AFF3: variants seen among roughly 807,000 people sequenced by gnomAD.
AFF3 encodes ALF transcription elongation factor 3.
Under a neutral mutation model 129.7 loss-of-function variants are expected in AFF3, and 32 were observed. The observed-to-expected ratio is 0.25, with a 90% confidence interval of 0.19 to 0.33. The LOEUF (loss-of-function observed/expected upper bound fraction) is 0.33. AFF3 is among the 10% of genes least tolerant of loss of function. The pLI is 1.00. For synonymous variants in AFF3, 644 were observed against 635.4 expected, an observed-to-expected ratio of 1.01 and a Z score of -0.20; for missense variants, 1,373 against 1,592.0, an observed-to-expected ratio of 0.86 and a Z score of 2.34.
At chr2:99,643,216 C>T (rs777090565) in intron 13 of AFF3, among the ~76,000 whole-genome samples, 64 of 151,916 alleles carry the variant, frequency 4.2e-4, no homozygotes, top group African/African-American at 1.2e-3. Flanking sequence ...CACGCCACCA[C>T]GCCCAGCTAA....
intron 4 of AFF3, among the ~76,000 whole-genome samples, chr2:100,090,352 G>C (rs1169241954): frequency 6.6e-6 from 1 of 152,184 alleles, no homozygotes; most frequent in African/African-American, 2.4e-5. Flanking sequence ...GCAAACAGTT[G>C]TTACCATTGT....
chr2:99,633,162 C>T (rs1683285714), intron 13 of AFF3, among the ~76,000 whole-genome samples: 1 of 152,152 alleles, frequency 6.6e-6, no homozygotes, highest in Non-Finnish European at 1.5e-5. Flanking sequence ...ACTCTCTCCA[C>T]TTGACAGATG....
rs77972567 is a variant in AFF3, at chr2:100,050,911, C to G, written c.54-41979G>C. Among the ~76,000 whole-genome samples the G allele has an allele frequency of 1.4e-3, 215 of 152,296 alleles. 4 individuals are homozygous for G. The East Asian group carries it at 0.038, about 27-fold the overall frequency. On this transcript the variant is annotated intron_variant, in intron 4 of 24. Transcript: ENST00000672756. ...GTAACAGCCAACAAGGGAACAGTCC[C>G]GCGGAAAGAAGACCTGCCAGAAGAA...
At chr2:99,971,741 C>T (rs1180026926) in intron 7 of AFF3, among the ~76,000 whole-genome samples, 1 of 152,038 alleles carries the variant, frequency 6.6e-6, no homozygotes, top group Non-Finnish European at 1.5e-5. Flanking sequence ...ACCATCGAGC[C>T]CTCCATTGGG....
intron 11 of AFF3, among the ~76,000 whole-genome samples, chr2:99,725,927 A>C (rs1679329477): frequency 6.6e-6 from 1 of 152,238 alleles, no homozygotes; most frequent in Non-Finnish European, 1.5e-5. Flanking sequence ...TGCAGTTTCT[A>C]CTGTTACTCA....
intron 8 of AFF3, among the ~76,000 whole-genome samples, chr2:99,778,801 A>C (rs966709128): frequency 6.6e-6 from 1 of 152,084 alleles, no homozygotes; most frequent in Non-Finnish European, 1.5e-5. Context: ...GTGTATAGAC[A>C]CAAAACTGAT....
intron 7 of AFF3, among the ~76,000 whole-genome samples, chr2:99,993,458 G>T (rs1212350653): frequency 6.6e-6 from 1 of 151,768 alleles, no homozygotes; most frequent in Non-Finnish European, 1.5e-5. Context: ...GTAATCATTG[G>T]GGGGCATAAG....
At chr2:99,823,429 A>G (rs985756131) in intron 8 of AFF3, among the ~76,000 whole-genome samples, 10 of 152,230 alleles carry the variant, frequency 6.6e-5, no homozygotes, top group Non-Finnish European at 1.5e-4. Flanking sequence ...TGTTAAGGTA[A>G]TTAGCATAGA....
chr2:99,692,613 C>T (rs1675788745), intron 11 of AFF3, among the ~76,000 whole-genome samples: 1 of 152,144 alleles, frequency 6.6e-6, no homozygotes, highest in African/African-American at 2.4e-5. Flanking sequence ...AATTCAAATC[C>T]TACACACTTT....
At chr2:99,939,703 C>G (rs967582353) in intron 7 of AFF3, among the ~76,000 whole-genome samples, 5 of 152,190 alleles carry the variant, frequency 3.3e-5, no homozygotes, top group African/African-American at 1.2e-4. Flanking sequence ...ATGGCGATTT[C>G]CAAAACGAAG....
chr2:99,700,038 GT>G (rs1676690452), intron 11 of AFF3, among the ~76,000 whole-genome samples: 1 of 152,086 alleles, frequency 6.6e-6, no homozygotes, highest in South Asian at 2.1e-4. Context: ...CATTCATGAT[GT>G]TTTGGGCAGT....
chr2:99,644,364 T>A (rs867699312), intron 13 of AFF3, among the ~76,000 whole-genome samples: 1 of 152,170 alleles, frequency 6.6e-6, no homozygotes, highest in African/African-American at 2.4e-5. Flanking sequence ...TCTTTTTTTT[T>A]AAGTCAAGCA....
At chr2:99,690,777 A>AT (rs557728999) in intron 11 of AFF3, among the ~76,000 whole-genome samples, 42,328 of 148,654 alleles carry the variant, frequency 0.28, 5,980 homozygotes, top group South Asian at 0.34. Context: ...CAAGGTAAGA[A>AT]TTTTTTTTTT....
At chr2:99,888,947 T>C (rs955499894) in intron 7 of AFF3, among the ~76,000 whole-genome samples, 3 of 152,212 alleles carry the variant, frequency 2.0e-5, no homozygotes, top group Admixed American at 6.5e-5. Context: ...TCAATCTCCA[T>C]TGGCTTCAAG....
chr2:99,711,380 T>C (rs74861186), intron 11 of AFF3, among the ~76,000 whole-genome samples: 1,850 of 152,216 alleles, frequency 0.012, 37 homozygotes, highest in African/African-American at 0.043. Flanking sequence ...TCTCATTGGA[T>C]TGTTATGAGG....
chr2:100,072,688 T>C (rs1433166993), intron 4 of AFF3, among the ~76,000 whole-genome samples: 1 of 152,180 alleles, frequency 6.6e-6, no homozygotes, highest in East Asian at 1.9e-4. Context: ...AGCTGCACCC[T>C]TGTTCCTCAT....
chr2:99,658,452 A>T (rs17022859), intron 12 of AFF3, among the ~76,000 whole-genome samples: 9,344 of 152,020 alleles, frequency 0.061, 394 homozygotes, highest in East Asian at 0.1. Flanking sequence ...TCTCGGGGCA[A>T]CTCAGCCTCA....
rs534404287 is a variant in AFF3, at chr2:99,601,302, C to T, written c.1371+133G>A. 136 of 1,122,534 alleles carry T rather than the reference C, an allele frequency of 1.2e-4. 2 individuals are homozygous for T. The East Asian group carries it at 4.1e-3, about 34-fold the overall frequency. The allele number at this position is 1,122,534 out of a possible 1,614,324, so 69.5% of individuals were successfully genotyped here. A position where few individuals can be genotyped will look rare whatever the true frequency, so the allele number is the denominator to read the frequency against. ...GGAGCCCGAAGCCCATAGCCTCCTC[C>T]TTCCCAGCACCTGGCTTGGGGTCTG... is the stretch of plus-strand genomic sequence containing the variant. On this transcript the variant is annotated intron_variant, in intron 14 of 24. Coordinates refer to ENST00000672756, the MANE Select transcript of AFF3 (RefSeq NM_001386135.1).
intron 11 of AFF3, among the ~76,000 whole-genome samples, chr2:99,677,685 G>A (rs1674125620): frequency 6.6e-6 from 1 of 152,188 alleles, no homozygotes; most frequent in Non-Finnish European, 1.5e-5. Context: ...TCTAAAGAGG[G>A]AGCCAAAGAT....
Sources: gnomAD v4.1 joint callset for allele counts (sites outside exome capture counted in the v4.1 genomes callset) on GRCh38, gnomAD v4.1.1 for gene constraint, MANE v1.5 for transcripts, NCBI Gene and HGNC (gene_info 2026-07-23, HGNC 2026-07-21) for gene names.